The following SLCO4A1 variants were observed in gnomAD, a reference collection of about 807,000 sequenced individuals.
SLCO4A1 encodes solute carrier organic anion transporter family member 4A1.
In SLCO4A1, 51 loss-of-function variants were observed where a neutral mutation model predicts 64.6. The ratio of observed to expected loss-of-function variants is 0.79; its 90% CI spans 0.63 to 1.00. The LOEUF (loss-of-function observed/expected upper bound fraction) is 1.00, where lower values mean the gene tolerates loss of function less well. SLCO4A1 is among the 50% of genes least tolerant of loss of function. The pLI is 0.00. For missense variants in SLCO4A1, 919 were observed against 980.5 expected, an observed-to-expected ratio of 0.94 and a Z score of 0.84; for synonymous variants, 471 against 444.9, an observed-to-expected ratio of 1.06 and a Z score of -0.74.
chr20:62,665,242 G>A, intron 6 of SLCO4A1, 154 bp downstream of exon 6: 1 of 764,960 alleles, frequency 1.3e-6, no homozygotes, highest in Non-Finnish European at 2.0e-6. Context: ...AGCGCCACGG[G>A]GGCTGAGCGA....
At position 62,656,608 on chromosome 20, in the gene SLCO4A1, C is replaced by G; in HGVS notation, c.154C>G (p.Leu52Val). The stretch of plus-strand genomic sequence containing the variant: ...CCTCCGCTCCGCTGCCCATAGCCCC[C>G]TGGACACCAGCAAGCAGCCCCTCTG... ...GSLRSAAHSP[L>V]DTSKQPLCQL... The change falls in exon 2 of 12, where the codon CTG (leucine) becomes GTG (valine). Residue 52 changes from leucine to valine, a missense_variant. Physicochemically the swap from Leu to Val is conservative, Grantham distance 32. Coordinates refer to ENST00000217159, the MANE Select transcript of SLCO4A1 (RefSeq NM_016354.4). 6.3e-7 allele frequency: 1 copy of G among 1,599,670 alleles called. No homozygotes were observed. The highest frequency in any genetic ancestry group is 8.5e-7 in the Non-Finnish European group (1 of 1,175,056).
At chr20:62,670,212 G>A (rs771649537) in intron 11 of SLCO4A1, 3 of 152,190 alleles carry the variant, frequency 2.0e-5, no homozygotes, top group Non-Finnish European at 2.9e-5. Context: ...ATAAAATAAC[G>A]GTTGACTCTC....
At chr20:62,689,454 C>T (rs1015136501), downstream of SLCO4A1, among the ~76,000 whole-genome samples, 1 of 152,248 alleles carries the variant, frequency 6.6e-6, no homozygotes. Flanking sequence ...ACCAGCTGCC[C>T]GAACGGACAG....
downstream of SLCO4A1, among the ~76,000 whole-genome samples, chr20:62,675,578 C>T (rs1987551305): frequency 6.6e-6 from 1 of 152,218 alleles, no homozygotes; most frequent in Non-Finnish European, 1.5e-5. Flanking sequence ...AGTCTGGTTG[C>T]AGCCTGGTCC....
chr20:62,658,779 C>A lies in SLCO4A1; in HGVS notation c.887+12C>A, dbSNP rs747401758. ...GAAATGGGCCGACGGTGAGTGGCCG[C>A]GCACCCAGCTGCCTGCGCTGGAGAG... is the stretch of plus-strand genomic sequence containing the variant. On this transcript the variant is annotated intron_variant, in intron 3 of 11. Transcript: ENST00000217159. 6.3e-7 allele frequency: 1 copy of A among 1,591,282 alleles called. No homozygotes were observed. Among genetic ancestry groups the A allele is most frequent in the African/African-American group, 1.3e-5 (1 of 74,796 alleles).
downstream of SLCO4A1, among the ~76,000 whole-genome samples, chr20:62,675,277 G>A (rs1023701547): frequency 5.9e-5 from 9 of 152,110 alleles, no homozygotes; most frequent in East Asian, 1.9e-4. Context: ...GTGAGACTTC[G>A]TGGTGCGTGA....
chr20:62,654,773 C>T (rs948183138), intron 1 of SLCO4A1, among the ~76,000 whole-genome samples: 14 of 152,326 alleles, frequency 9.2e-5, no homozygotes, highest in African/African-American at 3.4e-4. Flanking sequence ...CCACCGCCCA[C>T]CCCACCTTAG....
downstream of SLCO4A1, among the ~76,000 whole-genome samples, chr20:62,688,671 A>T (rs1988139592): frequency 6.6e-6 from 1 of 151,948 alleles, no homozygotes; most frequent in South Asian, 2.1e-4. Context: ...GGGGTGGGGG[A>T]TGCATGCCCC....
At position 62,645,821 on chromosome 20, in the gene SLCO4A1, T is replaced by C. The variant is rs1981224412; in HGVS notation, c.-97+3268T>C. Among the ~76,000 whole-genome samples the C allele has an allele frequency of 6.6e-6, 1 of 151,714 alleles. No individual in the cohort carries two copies. Among genetic ancestry groups the C allele is most frequent in the African/African-American group, 2.4e-5 (1 of 41,288 alleles). The stretch of plus-strand genomic sequence containing the variant: ...TCCTGCCCACGGACCTTGCCTTTTC[T>C]TGGTGGTTTTTCTAATCTGGCAAGC... On this transcript the variant is annotated intron_variant, in intron 1 of 11. Transcript: ENST00000217159. The surrounding 1 kb of genome is among the most constrained non-coding windows in gnomAD (Gnocchi z 4.2).
chr20:62,656,652 G>A lies in SLCO4A1; in HGVS notation c.198G>A (p.Lys66=), dbSNP rs1983768712. The change falls in exon 2 of 12, where the codon AAG becomes AAA. Residue 66 remains lysine, a synonymous_variant. Coordinates refer to ENST00000217159, the MANE Select transcript of SLCO4A1 (RefSeq NM_016354.4). ...CCCTCTGCCAGCTCTGGGCCGAGAA[G>A]CATGGCGCCCGGGGGACCCATGAGG... ...KQPLCQLWAE[K]HGARGTHEVR... The A allele has an allele frequency of 2.5e-6, 4 of 1,604,012 alleles. No homozygotes were observed. The highest frequency in any genetic ancestry group is 3.4e-6 in the Non-Finnish European group (4 of 1,176,044).
Position 62,660,573 on chromosome 20 carries a change from A to G in SLCO4A1, c.1009+40A>G, listed in dbSNP as rs772337550. On this transcript the variant is annotated intron_variant, in intron 4 of 11. Transcript: ENST00000217159. ...CCCAGCCCAGCCTTCACATTGGGAG[A>G]CTGTCCCTTAGTCTTCGCGAAGGGG... 7 of 1,598,958 alleles carry G rather than the reference A, an allele frequency of 4.4e-6. No homozygotes were observed. In the Admixed American group the frequency reaches 5.0e-5, roughly 11 times the overall value.
chr20:62,655,469 T>C (rs910587871), intron 1 of SLCO4A1, among the ~76,000 whole-genome samples: 12 of 152,198 alleles, frequency 7.9e-5, no homozygotes, highest in African/African-American at 2.9e-4. Context: ...GCCACCTGGG[T>C]TCCCCAGAAG....
downstream of SLCO4A1, among the ~76,000 whole-genome samples, chr20:62,686,684 TG>T (rs1988069578): frequency 1.3e-5 from 2 of 152,230 alleles, no homozygotes; most frequent in East Asian, 3.8e-4. Flanking sequence ...GTCTTAGCCA[TG>T]GTTGGCCCTT....
intron 8 of SLCO4A1, 50 bp downstream of exon 8, chr20:62,667,960 AG>A (rs774829758): frequency 6.2e-7 from 1 of 1,613,962 alleles, no homozygotes; most frequent in South Asian, 1.1e-5. Context: ...GACCCTGGGA[AG>A]GGGCCCCCGT....
At chr20:62,686,717 C>A (rs1379505829), downstream of SLCO4A1, among the ~76,000 whole-genome samples, 1 of 152,240 alleles carries the variant, frequency 6.6e-6, no homozygotes, top group Non-Finnish European at 1.5e-5. Flanking sequence ...AGTATATCAG[C>A]TATTTTACCA....
At chr20:62,667,983 G>A in intron 8 of SLCO4A1, 29 bp from the exon 9 acceptor site, 1 of 1,613,996 alleles carries the variant, frequency 6.2e-7, no homozygotes. Flanking sequence ...CCTTCCCCTT[G>A]TAATCGGAGC....
chr20:62,667,110 C>T (rs1427994928), intron 7 of SLCO4A1, among the ~76,000 whole-genome samples: 2 of 152,252 alleles, frequency 1.3e-5, no homozygotes, highest in East Asian at 1.9e-4. Flanking sequence ...GTGGCATTAT[C>T]GGAACCTAAG....
intron 1 of SLCO4A1, among the ~76,000 whole-genome samples, 197 bp from the exon 2 acceptor site, chr20:62,656,162 G>T (rs747058073): frequency 6.6e-6 from 1 of 152,232 alleles, no homozygotes; most frequent in Admixed American, 6.5e-5. Context: ...CCACCTTTCC[G>T]CAGCGGAGCT....
intron 4 of SLCO4A1, 136 bp from the exon 5 acceptor site, chr20:62,660,928 G>A (rs1364172594): frequency 5.6e-5 from 36 of 643,858 alleles, no homozygotes; most frequent in Admixed American, 3.0e-4. Flanking sequence ...CCGGGGCTGC[G>A]AGGGCTGCAG....
Sources: allele counts gnomAD v4.1 joint callset (sites outside exome capture counted in the v4.1 genomes callset), GRCh38; gene constraint gnomAD v4.1.1; non-coding constraint Gnocchi (gnomAD v3.1); transcripts MANE v1.5; gene names NCBI Gene and HGNC (gene_info 2026-07-23, HGNC 2026-07-21).